PPFIBP2: variants seen among roughly 807,000 people sequenced by gnomAD.
PPFIBP2 encodes the protein liprin-beta-2.
Under a neutral mutation model 118.3 loss-of-function variants are expected in PPFIBP2, and 118 were observed. The ratio of observed to expected loss-of-function variants is 1.00; its 90% confidence interval spans 0.86 to 1.16. The LOEUF (loss-of-function observed/expected upper bound fraction) is 1.16, where lower values mean the gene tolerates loss of function less well. PPFIBP2 is among the 50% of genes most tolerant of loss of function. PPFIBP2 has a pLI of 0.00. For missense variants in PPFIBP2, 1,195 were observed against 1,073.1 expected (o/e 1.11, Z -1.59); for synonymous variants, 414 against 397.4 (o/e 1.04, Z -0.50).
At chr11:7,656,194 G>A (rs1854670263), downstream of PPFIBP2, among the ~76,000 whole-genome samples, 1 of 152,208 alleles carries the variant, frequency 6.6e-6, no homozygotes, top group African/African-American at 2.4e-5. Flanking sequence ...ACAGAGCACA[G>A]GATTTGTTTT....
chr11:7,521,871 C>T (rs549015820), intron 1 of PPFIBP2, among the ~76,000 whole-genome samples: 3 of 152,104 alleles, frequency 2.0e-5, no homozygotes, highest in East Asian at 1.9e-4. Flanking sequence ...AAGGACAGGC[C>T]CAGTGAAGAG....
At chr11:7,628,447 C>G (rs891582633) in intron 9 of PPFIBP2, 101 bp downstream of exon 9, 3 of 1,099,662 alleles carry the variant, frequency 2.7e-6, no homozygotes, top group African/African-American at 3.2e-5. Flanking sequence ...CCATGCTTAT[C>G]ATGCCATTGA....
chr11:7,580,270 C>T (rs549778281), intron 3 of PPFIBP2, among the ~76,000 whole-genome samples: 2 of 152,352 alleles, frequency 1.3e-5, no homozygotes, highest in African/African-American at 2.4e-5. Flanking sequence ...TCCCCACCTC[C>T]TGTAGCCCAG....
intron 13 of PPFIBP2, among the ~76,000 whole-genome samples, chr11:7,635,247 T>TA (rs1437021844): frequency 9.2e-5 from 14 of 152,146 alleles, no homozygotes; most frequent in African/African-American, 3.1e-4. Context: ...TCCTTGTTGA[T>TA]ACAGTGGAGA....
intron 17 of PPFIBP2, among the ~76,000 whole-genome samples, chr11:7,644,381 T>G (rs1426738117): frequency 6.6e-6 from 1 of 152,250 alleles, no homozygotes; most frequent in African/African-American, 2.4e-5. Context: ...TGTGAGTTTA[T>G]TATGAGTTAC....
At position 7,570,518 on chromosome 11, in the gene PPFIBP2, C is replaced by T. The variant is rs75390624; in HGVS notation, c.279+4751C>T. Among the ~76,000 whole-genome samples, 11 of 152,308 alleles carry T rather than the reference C, an allele frequency of 7.2e-5. No individual in the cohort carries two copies. In the East Asian group the frequency reaches 2.1e-3, roughly 29 times the overall value. ...CCAGAGAAAGGGCAGGCAAACCCAG[C>T]AGCAAAGTGAAGGCAAGTCAAGGAA... On this transcript the variant is annotated intron_variant, in intron 3 of 23. Transcript: ENST00000299492.
chr11:7,559,824 G>A (rs989399893), intron 2 of PPFIBP2, among the ~76,000 whole-genome samples: 15 of 152,062 alleles, frequency 9.9e-5, no homozygotes, highest in African/African-American at 3.1e-4. Context: ...TTGCCCCTGG[G>A]CTACTCTAGA....
At chr11:7,590,248 C>G (rs1356910580) in intron 3 of PPFIBP2, among the ~76,000 whole-genome samples, 2 of 152,304 alleles carry the variant, frequency 1.3e-5, no homozygotes, top group East Asian at 3.9e-4. Context: ...TTTTTAACAT[C>G]CTAGTCCTAT....
At chr11:7,637,302 C>T (rs1851579131) in intron 14 of PPFIBP2, among the ~76,000 whole-genome samples, 2 of 152,232 alleles carry the variant, frequency 1.3e-5, no homozygotes. Context: ...CTGACCAGTG[C>T]CTGCCGTGGT....
At chr11:7,620,407 T>G (rs1849203960) in intron 6 of PPFIBP2, among the ~76,000 whole-genome samples, 1 of 152,194 alleles carries the variant, frequency 6.6e-6, no homozygotes, top group African/African-American at 2.4e-5. Flanking sequence ...TCCTCTGAAC[T>G]GGAACACCCA....
At chr11:7,605,144 C>G (rs900550572) in intron 5 of PPFIBP2, among the ~76,000 whole-genome samples, 5 of 152,148 alleles carry the variant, frequency 3.3e-5, no homozygotes, top group Admixed American at 2.0e-4. Context: ...GTGAAAGAAC[C>G]CTGCAGAAAA....
Position 7,639,713 on chromosome 11 carries a change from T to G in PPFIBP2, c.1237-19T>G, listed in dbSNP as rs1052922794. 1.2e-6 allele frequency: 2 copies of G among 1,613,788 alleles called. No individual in the cohort carries two copies. Among genetic ancestry groups the G allele is most frequent in the African/African-American group, 2.7e-5 (2 of 74,928 alleles). On this transcript the variant is annotated intron_variant, in intron 14 of 23. Coordinates refer to ENST00000299492, the MANE Select transcript of PPFIBP2 (RefSeq NM_003621.5). ...GACAGTTAAGTCGGTATCTCTCTCT[T>G]TCTCTCACCTTCCAATAGGACAGCC...
At chr11:7,632,207 A>T (rs1413551765) in intron 11 of PPFIBP2, 2 of 152,376 alleles carry the variant, frequency 1.3e-5, no homozygotes, top group Non-Finnish European at 2.9e-5. Flanking sequence ...CTCAAAATTC[A>T]GCTCAGCTTT....
At chr11:7,603,705 T>C (rs1846960573) in intron 5 of PPFIBP2, among the ~76,000 whole-genome samples, 1 of 152,216 alleles carries the variant, frequency 6.6e-6, no homozygotes, top group Non-Finnish European at 1.5e-5. Context: ...AAGGAAATGA[T>C]GAGTTGCTCC....
At chr11:7,651,626 T>C (rs1854022828) in intron 22 of PPFIBP2, 30 bp from the exon 23 acceptor site, 1 of 1,572,402 alleles carries the variant, frequency 6.4e-7, no homozygotes, top group African/African-American at 1.4e-5. Context: ...TATTTGCTCC[T>C]GGCCAGGCTT....
At chr11:7,597,516 G>A in intron 4 of PPFIBP2, 44 bp from the exon 5 acceptor site, 1 of 1,579,856 alleles carries the variant, frequency 6.3e-7, no homozygotes. Context: ...CCTGCACCAT[G>A]TCAAATCCCT....
chr11:7,567,604 T>C (rs1458536814), intron 3 of PPFIBP2, among the ~76,000 whole-genome samples: 4 of 152,220 alleles, frequency 2.6e-5, no homozygotes, highest in Non-Finnish European at 5.9e-5. Context: ...TTAAGGTTTT[T>C]ATTCTGGACA....
At chr11:7,629,609 G>C (rs139742355) in intron 10 of PPFIBP2, 75 bp downstream of exon 10, 43 of 1,422,292 alleles carry the variant, frequency 3.0e-5, no homozygotes, top group Middle Eastern at 1.9e-4. Context: ...GGGCAGTTCT[G>C]CTAGCAGCTG....
intron 3 of PPFIBP2, among the ~76,000 whole-genome samples, chr11:7,568,645 G>A (rs758239269): frequency 3.3e-5 from 5 of 152,192 alleles, no homozygotes; most frequent in Non-Finnish European, 7.3e-5. Context: ...TGATGATAGA[G>A]TGGGGGAAAG....
Sources: gnomAD v4.1 joint callset for allele counts (sites outside exome capture counted in the v4.1 genomes callset) on GRCh38, gnomAD v4.1.1 for gene constraint, MANE v1.5 for transcripts, NCBI Gene and HGNC (gene_info 2026-07-23, HGNC 2026-07-21) for gene names.